Variants in FSHR observed in about 807,000 individuals in gnomAD.
The protein encoded by FSHR is follicle-stimulating hormone receptor.
FSHR carries 46 observed loss-of-function variants against 52.1 expected under a neutral mutation model. That is an observed-to-expected ratio of 0.88 (90% CI 0.70 to 1.13). FSHR has a LOEUF of 1.13. Ranked by LOEUF, FSHR falls within the 50% of genes most tolerant of loss-of-function variation. The probability of loss-of-function intolerance (pLI) is 0.00; values close to 1 mark genes in which losing one functional copy is unlikely to be tolerated. For missense variants in FSHR, 964 were observed against 834.6 expected (o/e 1.16, Z -1.91); for synonymous variants, 399 against 309.6 (o/e 1.29, Z -3.03).
At chr2:49,093,249 C>T (rs1021294571) in intron 1 of FSHR, among the ~76,000 whole-genome samples, 4 of 152,196 alleles carry the variant, frequency 2.6e-5, no homozygotes, top group African/African-American at 9.7e-5. Context: ...TGTATCCTTA[C>T]TGACTTTGTC....
chr2:49,114,416 T>C (rs1671529122), intron 1 of FSHR, among the ~76,000 whole-genome samples: 1 of 152,182 alleles, frequency 6.6e-6, no homozygotes, highest in Non-Finnish European at 1.5e-5. Flanking sequence ...TTCCTTTGTT[T>C]ATAAACCACA....
At chr2:49,060,038 G>A (rs1351561144) in intron 2 of FSHR, among the ~76,000 whole-genome samples, 1 of 152,054 alleles carries the variant, frequency 6.6e-6, no homozygotes, top group African/African-American at 2.4e-5. Context: ...ATATAAGCAA[G>A]TGATCTGAAC....
chr2:49,066,051 G>A (rs1669491524), intron 2 of FSHR, among the ~76,000 whole-genome samples: 1 of 152,082 alleles, frequency 6.6e-6, no homozygotes, highest in Non-Finnish European at 1.5e-5. Flanking sequence ...TAATAGTGTT[G>A]AAGAATTTTT....
intron 4 of FSHR, among the ~76,000 whole-genome samples, chr2:49,002,628 G>A (rs1463891338): frequency 1.3e-5 from 2 of 152,080 alleles, no homozygotes; most frequent in East Asian, 1.9e-4. Context: ...CTCGCTGATT[G>A]TCAGAAGAAC....
intron 2 of FSHR, among the ~76,000 whole-genome samples, chr2:49,021,875 A>ATATATATGTATG (rs1553334900): frequency 7.8e-5 from 4 of 51,244 alleles, no homozygotes; most frequent in African/African-American, 3.0e-4. Flanking sequence ...ATATATATAT[A>ATATATATGTATG]TATATATATA....
At chr2:49,021,867 ATATATATATATATAT>A (rs1667722123) in intron 2 of FSHR, among the ~76,000 whole-genome samples, 1 of 51,002 alleles carries the variant, frequency 2.0e-5, no homozygotes, top group Non-Finnish European at 3.7e-5. Context: ...CTCTCTCTAT[ATATATATATATATAT>A]ATATAGAGAG....
At chr2:49,053,379 A>G (rs1308733870) in intron 2 of FSHR, among the ~76,000 whole-genome samples, 2 of 152,130 alleles carry the variant, frequency 1.3e-5, no homozygotes, top group Non-Finnish European at 2.9e-5. Flanking sequence ...TCATTTCCAT[A>G]CATAATTTTT....
At chr2:48,970,333 C>CT (rs1674685569) in intron 8 of FSHR, among the ~76,000 whole-genome samples, 1 of 152,126 alleles carries the variant, frequency 6.6e-6, no homozygotes, top group Non-Finnish European at 1.5e-5. Flanking sequence ...TTGAGTTTCT[C>CT]TTCAGCCTCT....
At chr2:48,975,717 T>G (rs1043689394) in intron 8 of FSHR, among the ~76,000 whole-genome samples, 3 of 152,198 alleles carry the variant, frequency 2.0e-5, no homozygotes, top group South Asian at 2.1e-4. Flanking sequence ...TTGTAAGTTG[T>G]ATTCCTAGGT....
At chr2:49,089,324 A>G (rs773317981) in intron 1 of FSHR, among the ~76,000 whole-genome samples, 1 of 152,182 alleles carries the variant, frequency 6.6e-6, no homozygotes, top group Non-Finnish European at 1.5e-5. Context: ...GATTTTTACC[A>G]GAAATCAAGA....
intron 6 of FSHR, 79 bp from the exon 7 acceptor site, chr2:48,983,245 C>T (rs113141348): frequency 2.3e-6 from 3 of 1,300,594 alleles, no homozygotes; most frequent in Non-Finnish European, 2.2e-6. Context: ...AAGCACTGAG[C>T]AAGGGCAGAC....
chr2:48,989,182 T>G, intron 5 of FSHR, 128 bp from the exon 6 acceptor site: 2 of 701,654 alleles, frequency 2.9e-6, no homozygotes, highest in East Asian at 5.5e-5. Flanking sequence ...AGTTGTTGTT[T>G]AGAAGATGAT....
chr2:49,041,619 C>T (rs1436952818), intron 2 of FSHR, among the ~76,000 whole-genome samples: 1 of 151,938 alleles, frequency 6.6e-6, no homozygotes, highest in Non-Finnish European at 1.5e-5. Context: ...GAGGAAGGCC[C>T]AAGATAGGTC....
intron 2 of FSHR, among the ~76,000 whole-genome samples, chr2:49,061,677 A>G (rs980006910): frequency 7.1e-6 from 1 of 140,950 alleles, no homozygotes; most frequent in East Asian, 2.0e-4. Flanking sequence ...TTATAACTAT[A>G]TATAACTATA....
chr2:49,007,935 A>G (rs183507455), intron 4 of FSHR, among the ~76,000 whole-genome samples: 2 of 152,210 alleles, frequency 1.3e-5, no homozygotes, highest in Admixed American at 6.6e-5. Flanking sequence ...AGTCTCTTGC[A>G]TGGGCACCCT....
intron 2 of FSHR, among the ~76,000 whole-genome samples, chr2:49,030,234 G>A (rs1224727876): frequency 1.3e-5 from 2 of 149,882 alleles, no homozygotes; most frequent in Non-Finnish European, 3.0e-5. Flanking sequence ...TTTCCTCCTT[G>A]ACATATGTCT....
At chr2:49,077,181 T>A (rs1463485675) in intron 1 of FSHR, among the ~76,000 whole-genome samples, 1 of 152,236 alleles carries the variant, frequency 6.6e-6, no homozygotes, top group Admixed American at 6.5e-5. Flanking sequence ...GACTTCTGCC[T>A]GGGCATCCAG....
rs528232260 is a variant in FSHR at position 49,131,893 on chromosome 2, T to C, written c.152+22373A>G. Among the ~76,000 whole-genome samples the C allele has an allele frequency of 8.5e-5, 13 of 152,272 alleles. No homozygotes were observed. In the East Asian group the frequency reaches 2.5e-3, roughly 29 times the overall value. Reference sequence around the variant, plus strand: ...CACATGCCTCACCCTTTAAAGGAAGTTCCCCATCCTTTGTTTATTCAAGTG... The same window carrying C: ...CACATGCCTCACCCTTTAAAGGAAGCTCCCCATCCTTTGTTTATTCAAGTG... On this transcript the variant is annotated intron_variant, in intron 1 of 9. Transcript: ENST00000406846.
chr2:49,013,986 T>G (rs1186142149), intron 4 of FSHR, among the ~76,000 whole-genome samples: 3 of 152,146 alleles, frequency 2.0e-5, no homozygotes, highest in Non-Finnish European at 1.5e-5. Flanking sequence ...GCATATACAT[T>G]GTAAGGATGC....
Sources: gnomAD v4.1 joint callset for allele counts (sites outside exome capture counted in the v4.1 genomes callset) on GRCh38, gnomAD v4.1.1 for gene constraint, MANE v1.5 for transcripts, NCBI Gene and HGNC (gene_info 2026-07-23, HGNC 2026-07-21) for gene names.